The following HUNK variants were observed in gnomAD, a reference collection of about 807,000 sequenced individuals.
The protein encoded by HUNK is hormonally up-regulated neu tumor-associated kinase.
HUNK carries 21 observed loss-of-function variants against 61.0 expected under a neutral mutation model. That is an observed-to-expected ratio of 0.34 (90% CI 0.24 to 0.50). HUNK has a LOEUF of 0.50. Among genes scored for constraint, HUNK ranks in the 20% least tolerant of loss-of-function variants. The pLI, the probability that HUNK is intolerant of heterozygous loss-of-function variation, is 0.98. For synonymous variants in HUNK, 371 were observed against 386.1 expected (o/e 0.96, Z 0.46); for missense variants, 772 against 945.7 (o/e 0.82, Z 2.41).
intron 1 of HUNK, among the ~76,000 whole-genome samples, chr21:31,879,113 A>G (rs2052287230): frequency 6.6e-6 from 1 of 152,262 alleles, no homozygotes; most frequent in Non-Finnish European, 1.5e-5. Context: ...TATGTTTTGC[A>G]GAGCAAGAAA....
Position 31,946,016 on chromosome 21 carries a change from T to C in HUNK, c.611-20T>C, listed in dbSNP as rs1180344564. Reference sequence around the variant, plus strand: ...GCAGTTTTCTAATTCGGAGCTTGTTTTGTTCACCTCTCTTTGCAGACTTTG... The same window carrying C: ...GCAGTTTTCTAATTCGGAGCTTGTTCTGTTCACCTCTCTTTGCAGACTTTG... On this transcript the variant is annotated intron_variant, in intron 3 of 10. Coordinates refer to ENST00000270112, the MANE Select transcript of HUNK (RefSeq NM_014586.2). 3 of 1,563,650 alleles carry C rather than the reference T, an allele frequency of 1.9e-6. No individual in the cohort carries two copies. The African/African-American group carries it at 4.1e-5, about 21-fold the overall frequency.
Position 31,968,226 on chromosome 21 carries a change from C to T in HUNK, c.875-24C>T, listed in dbSNP as rs576540902. 65 of 1,614,002 alleles carry T rather than the reference C, an allele frequency of 4.0e-5. No individual in the cohort carries two copies. The African/African-American group carries it at 7.7e-4, about 19-fold the overall frequency. ...CTGCGTTCAGCCTGTAACATGCGTG[C>T]ATTCTTTCCCAAATGTCTCCCAGGT... On this transcript the variant is annotated intron_variant, in intron 5 of 10. Coordinates refer to ENST00000270112, the MANE Select transcript of HUNK (RefSeq NM_014586.2).
intron 1 of HUNK, among the ~76,000 whole-genome samples, chr21:31,880,515 T>G (rs2052298730): frequency 6.6e-6 from 1 of 152,216 alleles, no homozygotes; most frequent in Admixed American, 6.5e-5. Flanking sequence ...TGCAGCGCTC[T>G]GTCTCTGCGT....
chr21:31,910,356 C>T (rs1408676011), intron 1 of HUNK, among the ~76,000 whole-genome samples: 1 of 152,124 alleles, frequency 6.6e-6, no homozygotes, highest in East Asian at 1.9e-4. Flanking sequence ...TCTCTCTCTT[C>T]GTATCAAGAC....
chr21:31,921,311 G>A (rs958046191), intron 1 of HUNK, among the ~76,000 whole-genome samples: 107 of 152,182 alleles, frequency 7.0e-4, no homozygotes, highest in African/African-American at 2.5e-3. Flanking sequence ...TCGTGAAGGG[G>A]GAGTGGTCCC....
intron 1 of HUNK, among the ~76,000 whole-genome samples, chr21:31,884,034 G>A (rs2052328660): frequency 6.6e-6 from 1 of 152,314 alleles, no homozygotes; most frequent in South Asian, 2.1e-4. Flanking sequence ...ATGGTCTTTG[G>A]AAATCTTTGA....
At position 31,949,449 on chromosome 21, in the gene HUNK, A is replaced by T. The variant is rs185104099; in HGVS notation, c.746+3278A>T. Among the ~76,000 whole-genome samples the T allele has an allele frequency of 7.2e-4, 110 of 152,346 alleles. 1 individual carries two copies. The highest frequency in any genetic ancestry group is 1.0e-4 in the Non-Finnish European group (7 of 68,034). The stretch of plus-strand genomic sequence containing the variant: ...TTAAGAACTCTCAAAGGTGTCTGGC[A>T]CACTGTCTTCCCTCAATAAATATGT... On this transcript the variant is annotated intron_variant, in intron 4 of 10. Transcript: ENST00000270112.
intron 9 of HUNK, among the ~76,000 whole-genome samples, chr21:31,995,046 C>A (rs2123257903): frequency 6.6e-6 from 1 of 151,482 alleles, no homozygotes; most frequent in East Asian, 2.0e-4. Flanking sequence ...GTAGTCCCAG[C>A]TACTCAGGAG....
intron 1 of HUNK, among the ~76,000 whole-genome samples, chr21:31,878,823 A>G (rs919122799): frequency 3.0e-4 from 46 of 152,228 alleles, no homozygotes; most frequent in African/African-American, 1.1e-3. Flanking sequence ...TAGGCAGGCA[A>G]ACTACAGAAC....
At chr21:31,989,747 G>T (rs1373353326) in intron 8 of HUNK, among the ~76,000 whole-genome samples, 2 of 147,496 alleles carry the variant, frequency 1.4e-5, no homozygotes, top group Non-Finnish European at 3.0e-5. Flanking sequence ...TGGTTACTTT[G>T]GGGGACAGAA....
chr21:31,909,758 AG>A (rs1290659402), intron 1 of HUNK, among the ~76,000 whole-genome samples: 2 of 152,216 alleles, frequency 1.3e-5, no homozygotes, highest in African/African-American at 4.8e-5. Flanking sequence ...AAGCCAGCAA[AG>A]GCTATTTTCT....
At chr21:31,890,297 C>T (rs775267922) in intron 1 of HUNK, among the ~76,000 whole-genome samples, 1 of 151,622 alleles carries the variant, frequency 6.6e-6, no homozygotes, top group African/African-American at 2.4e-5. Flanking sequence ...GGCACAGTCT[C>T]GGCTCGCTGC....
chr21:31,981,037 C>T (rs974136823), intron 7 of HUNK, among the ~76,000 whole-genome samples: 1 of 152,204 alleles, frequency 6.6e-6, no homozygotes, highest in Non-Finnish European at 1.5e-5. Flanking sequence ...GTTGACTTTG[C>T]AGATGGTGTG....
intron 1 of HUNK, among the ~76,000 whole-genome samples, chr21:31,914,881 T>C (rs892499120): frequency 6.6e-6 from 1 of 152,164 alleles, no homozygotes; most frequent in African/African-American, 2.4e-5. Context: ...CGTTGGGGGT[T>C]AGGGCTTCAA....
In HUNK at chr21:31,995,823, C is replaced by T; in HGVS notation, c.1361C>T (p.Ser454Phe). 6.2e-7 allele frequency: 1 copy of T among 1,614,184 alleles called. No individual in the cohort carries two copies. The highest frequency in any genetic ancestry group is 1.1e-5 in the South Asian group (1 of 91,082). The change falls in exon 10 of 11, where the codon TCC (serine) becomes TTC (phenylalanine). Residue 454 changes from serine to phenylalanine, a missense_variant. By Grantham distance (155) the Ser-to-Phe change is radical. Transcript: ENST00000270112. The part of the protein sequence containing the change: ...KRGDFLHRPF[S>F]KKLDKNLPSH... ...GGGGATTTTCTTCATCGACCATTCT[C>T]CAAGAAGTTGGACAAGAACCTGCCC...
chr21:31,906,473 C>T lies in HUNK; in HGVS notation c.262-17995C>T, dbSNP rs897615531. Among the ~76,000 whole-genome samples, 10 of 152,138 alleles carry T rather than the reference C, an allele frequency of 6.6e-5. No homozygotes were observed. The East Asian group carries it at 1.7e-3, about 26-fold the overall frequency. On this transcript the variant is annotated intron_variant, in intron 1 of 10. Transcript: ENST00000270112. ...TTTTTGAGAGAGAATCTCGCTCTGT[C>T]GCCCAGGCTGGAATGCAGTGGCACG...
rs749850263 is a variant in HUNK, at chr21:31,990,164, C to T, written c.1293C>T (p.Phe431=). 1.2e-6 allele frequency: 2 copies of T among 1,613,686 alleles called. No individual in the cohort carries two copies. Among genetic ancestry groups the T allele is most frequent in the Admixed American group, 1.7e-5 (1 of 59,976 alleles). The change falls in exon 9 of 11, where the codon TTC becomes TTT. Residue 431 remains phenylalanine (F), a synonymous_variant. Coordinates refer to ENST00000270112, the MANE Select transcript of HUNK (RefSeq NM_014586.2). ...SLDTWTRDLE[F]HAVQDKKPKE... ...ACACCTGGACACGAGATCTTGAATT[C>T]CATGCCGTGCAGGTAAGAACTTGGG...
rs1003892562 is a variant in HUNK, at chr21:32,001,747, G to A, written c.*2563G>A. 6.6e-6 allele frequency: 1 copy of A among 152,512 alleles called. No homozygotes were observed. The highest frequency in any genetic ancestry group is 1.5e-5 in the Non-Finnish European group (1 of 68,016). The allele number at this position is 152,512 out of a possible 1,614,324, so 9.4% of individuals were successfully genotyped here. ...CTTTATTATTTTATTATATTTATAT[G>A]GAAAGCTCGACTCTCCCTTTGGTAA... On this transcript the variant is annotated 3_prime_UTR_variant, in exon 11 of 11. Transcript: ENST00000270112.
At chr21:31,929,371 C>T (rs1469239161) in intron 2 of HUNK, among the ~76,000 whole-genome samples, 1 of 151,924 alleles carries the variant, frequency 6.6e-6, no homozygotes, top group East Asian at 1.9e-4. Context: ...TTCATTTTTA[C>T]AAAGGTAGAG....
Sources: allele counts gnomAD v4.1 joint callset (sites outside exome capture counted in the v4.1 genomes callset), GRCh38; gene constraint gnomAD v4.1.1; transcripts MANE v1.5; gene names NCBI Gene and HGNC (gene_info 2026-07-23, HGNC 2026-07-21).